Variants in DMXL2 observed in about 807,000 individuals in gnomAD.
DMXL2 encodes the protein Dmx like 2.
Under a neutral mutation model 331.1 loss-of-function variants are expected in DMXL2, and 103 were observed. That is an observed-to-expected ratio of 0.31 (90% CI 0.27 to 0.37). The LOEUF (loss-of-function observed/expected upper bound fraction) is 0.37. Ranked by LOEUF, DMXL2 falls within the 10% of genes least tolerant of loss-of-function variation. The pLI is 1.00. For synonymous variants in DMXL2, 1,281 were observed against 1,252.1 expected (o/e 1.02, Z -0.49); for missense variants, 3,171 against 3,642.9 (o/e 0.87, Z 3.33).
In DMXL2 at chr15:51,455,138, T is replaced by C. The variant is rs761962793; in HGVS notation, c.8604+13A>G. On this transcript the variant is annotated intron_variant, in intron 40 of 43. Coordinates refer to ENST00000560891, the MANE Select transcript of DMXL2 (RefSeq NM_001378457.1). ...TGTGTATATGCGCCCTGGGAACATTTAGTGATACTTACCATATAAGGTTTA... is the reference window on the plus strand; with the variant it reads ...TGTGTATATGCGCCCTGGGAACATTCAGTGATACTTACCATATAAGGTTTA... 6.8e-6 allele frequency: 11 copies of C among 1,607,176 alleles called. No homozygotes were observed. In the East Asian group the frequency reaches 2.5e-4, roughly 36 times the overall value.
chr15:51,600,533 C>T (rs1383791149), intron 1 of DMXL2, among the ~76,000 whole-genome samples: 2 of 152,176 alleles, frequency 1.3e-5, no homozygotes, highest in Non-Finnish European at 2.9e-5. Flanking sequence ...AGGTGGCACC[C>T]CTCTTCCTGT....
At chr15:51,611,150 A>G (rs2053943000) in intron 1 of DMXL2, among the ~76,000 whole-genome samples, 1 of 152,120 alleles carries the variant, frequency 6.6e-6, no homozygotes, top group South Asian at 2.1e-4. Context: ...ATAGAAAATA[A>G]GTATATAACA....
intron 6 of DMXL2, among the ~76,000 whole-genome samples, chr15:51,561,788 C>A (rs1020853640): frequency 1.3e-5 from 2 of 152,078 alleles, no homozygotes; most frequent in Non-Finnish European, 2.9e-5. Context: ...ACCTACATGC[C>A]CATCAGTAAA....
intron 6 of DMXL2, among the ~76,000 whole-genome samples, chr15:51,554,317 A>T (rs1390327973): frequency 6.6e-6 from 1 of 152,228 alleles, no homozygotes; most frequent in Non-Finnish European, 1.5e-5. Context: ...GTAACAAAAA[A>T]AAGACAAATC....
intron 1 of DMXL2, among the ~76,000 whole-genome samples, chr15:51,620,231 T>C (rs1031650771): frequency 3.3e-5 from 5 of 152,288 alleles, no homozygotes; most frequent in East Asian, 1.9e-4. Context: ...TTCTAGTTCA[T>C]GGCAAAATTA....
intron 14 of DMXL2, among the ~76,000 whole-genome samples, chr15:51,516,202 A>G (rs1290709268): frequency 2.0e-5 from 3 of 152,192 alleles, no homozygotes; most frequent in African/African-American, 7.2e-5. Context: ...TTTGGAATAA[A>G]TGTTAGTTCT....
At chr15:51,557,610 G>C (rs1457500636) in intron 6 of DMXL2, among the ~76,000 whole-genome samples, 2 of 152,120 alleles carry the variant, frequency 1.3e-5, no homozygotes, top group African/African-American at 4.8e-5. Flanking sequence ...GGGAGGACTT[G>C]CCCTACCAGA....
At chr15:51,567,483 G>T (rs915820910) in intron 3 of DMXL2, 2 of 152,086 alleles carry the variant, frequency 1.3e-5, no homozygotes, top group Non-Finnish European at 2.9e-5. Context: ...GATAAGTGGG[G>T]GTACAATTTT....
At chr15:51,621,176 A>G (rs1161489171) in intron 1 of DMXL2, among the ~76,000 whole-genome samples, 1 of 152,236 alleles carries the variant, frequency 6.6e-6, no homozygotes, top group African/African-American at 2.4e-5. Context: ...CATAAAACAC[A>G]GATGACAAAA....
intron 9 of DMXL2, among the ~76,000 whole-genome samples, chr15:51,539,441 G>A (rs1351396710): frequency 6.6e-6 from 1 of 152,016 alleles, no homozygotes; most frequent in African/African-American, 2.4e-5. Flanking sequence ...AAGAAGGCAG[G>A]CAAAATTCTA....
chr15:51,480,792 A>G lies in DMXL2; in HGVS notation c.6314T>C (p.Val2105Ala). The G allele has an allele frequency of 6.2e-7, 1 of 1,607,516 alleles. No homozygotes were observed. The highest frequency in any genetic ancestry group is 8.5e-7 in the Non-Finnish European group (1 of 1,176,400). ...KEYSSKTYSKVESDLLDQEEM... is the reference protein window; with the variant it reads ...KEYSSKTYSKAESDLLDQEEM... ...TTCCTGATCCAGCAGATCACTCTCT[A>G]CTTTGGAATATGTCTTACTGGAATA... Residue 2105 changes from valine (V) to alanine (A), a missense_variant, in exon 24 of 44, where the codon GTA (valine) becomes GCA (alanine). Val to Ala is a moderately conservative substitution (Grantham distance 64). Around this residue, in one of 7 missense-constraint regions of DMXL2, gnomAD observed 197 missense variants for 196.2 expected, o/e 1.00. Transcript: ENST00000560891.
chr15:51,477,013 T>C (rs574842758), intron 26 of DMXL2, among the ~76,000 whole-genome samples: 1 of 152,210 alleles, frequency 6.6e-6, no homozygotes, highest in South Asian at 2.1e-4. Flanking sequence ...CAGTAATTTT[T>C]ATTTTGTGTT....
intron 1 of DMXL2, among the ~76,000 whole-genome samples, chr15:51,610,454 A>G (rs1236227830): frequency 1.3e-5 from 2 of 152,108 alleles, no homozygotes; most frequent in Non-Finnish European, 2.9e-5. Flanking sequence ...AAGAGGACAC[A>G]TTTTCTTTAA....
intron 8 of DMXL2, among the ~76,000 whole-genome samples, chr15:51,543,567 T>A (rs2048723271): frequency 6.6e-6 from 1 of 152,140 alleles, no homozygotes; most frequent in African/African-American, 2.4e-5. Context: ...TCATTTTAAA[T>A]TAGACTGACA....
chr15:51,582,788 T>C (rs2051530142), intron 1 of DMXL2, among the ~76,000 whole-genome samples: 1 of 152,130 alleles, frequency 6.6e-6, no homozygotes, highest in Admixed American at 6.6e-5. Context: ...ATTAATGTTT[T>C]CAGTAACAAG....
Position 51,499,120 on chromosome 15 carries a change from G to A in DMXL2, c.4104C>T (p.Leu1368=). The change falls in exon 18 of 44, where the codon CTC becomes CTT. Residue 1368 remains leucine, a synonymous_variant. Coordinates refer to ENST00000560891, the MANE Select transcript of DMXL2 (RefSeq NM_001378457.1). ...CTGCAATACATTTTACTAAATGAGAGAGAATGGCTTTAGCCCTTCGCACTT... is the reference window on the plus strand; with the variant it reads ...CTGCAATACATTTTACTAAATGAGAAAGAATGGCTTTAGCCCTTCGCACTT... ...LGKVRRAKAI[L]SHLVKCIAGE... 1.2e-6 allele frequency: 2 copies of A among 1,614,096 alleles called. No homozygotes were observed. Among genetic ancestry groups the A allele is most frequent in the Non-Finnish European group, 1.7e-6 (2 of 1,180,022 alleles).
chr15:51,557,530 T>C (rs2049679610), intron 6 of DMXL2, among the ~76,000 whole-genome samples: 1 of 152,186 alleles, frequency 6.6e-6, no homozygotes, highest in African/African-American at 2.4e-5. Flanking sequence ...TTATCATTTA[T>C]TCTAAAATTT....
rs1213578087 is a variant in DMXL2, at chr15:51,456,311, T to G, written c.8396A>C (p.Tyr2799Ser). The G allele has an allele frequency of 6.3e-7, 1 of 1,599,424 alleles. No individual in the cohort carries two copies. Among genetic ancestry groups the G allele is most frequent in the Non-Finnish European group, 8.5e-7 (1 of 1,173,950 alleles). ...KRMTSHPVHQYYLTGAQDGSV... is the reference protein window; with the variant it reads ...KRMTSHPVHQSYLTGAQDGSV... ...ATTATTAGGTCATAAATACTTACAG[T>G]ATTGATGGACTGGGTGTGAAGTCAT... Residue 2799 changes from tyrosine (Y) to serine (S), a missense_variant and splice_region_variant, in exon 38 of 44, where the codon TAC (tyrosine) becomes TCC (serine). By Grantham distance (144) the Tyr-to-Ser change is moderately radical. Transcript: ENST00000560891.
chr15:51,599,759 G>C (rs979503756), intron 1 of DMXL2, among the ~76,000 whole-genome samples: 1 of 151,782 alleles, frequency 6.6e-6, no homozygotes, highest in Non-Finnish European at 1.5e-5. Flanking sequence ...GAGTGCAGTG[G>C]TGCCATCTTG....
Sources: gnomAD v4.1 joint callset for allele counts (sites outside exome capture counted in the v4.1 genomes callset) on GRCh38, gnomAD v4.1.1 for gene constraint, gnomAD v4.1.1 regional missense constraint, MANE v1.5 for transcripts, NCBI Gene and HGNC (gene_info 2026-07-23, HGNC 2026-07-21) for gene names.